Variants in DSCAM observed in about 807,000 individuals in gnomAD.
DSCAM encodes DS cell adhesion molecule, also known as cell adhesion molecule DSCAM.
DSCAM carries 47 observed loss-of-function variants against 217.7 expected under a neutral mutation model. The observed-to-expected ratio is 0.22, with a 90% CI of 0.17 to 0.28. The LOEUF is 0.28. Among genes scored for constraint, DSCAM ranks in the 10% least tolerant of loss-of-function variants. The pLI is 1.00. For synonymous variants in DSCAM, 1,056 were observed against 1,015.3 expected (o/e 1.04, Z -0.76); for missense variants, 2,080 against 2,618.3 (o/e 0.79, Z 4.49).
chr21:40,055,071 T>C (rs2088992094), intron 29 of DSCAM, among the ~76,000 whole-genome samples: 1 of 152,120 alleles, frequency 6.6e-6, no homozygotes, highest in South Asian at 2.1e-4. Context: ...GGTAATGGAC[T>C]TCAGGTGGAA....
chr21:40,840,682 G>A (rs1037429075), intron 1 of DSCAM, among the ~76,000 whole-genome samples: 1 of 152,072 alleles, frequency 6.6e-6, no homozygotes, highest in Non-Finnish European at 1.5e-5. Flanking sequence ...AGGCGTTTCT[G>A]GAAAATAAAC....
intron 3 of DSCAM, among the ~76,000 whole-genome samples, chr21:40,481,359 G>A (rs896951569): frequency 1.3e-5 from 2 of 151,682 alleles, no homozygotes; most frequent in Non-Finnish European, 2.9e-5. Flanking sequence ...GCATGGTGGC[G>A]GGTGCCTGTA....
At chr21:40,090,969 G>A (rs1033012955) in intron 21 of DSCAM, among the ~76,000 whole-genome samples, 2 of 152,118 alleles carry the variant, frequency 1.3e-5, no homozygotes, top group Admixed American at 6.5e-5. Context: ...GAATTTGGGT[G>A]TTCATTCTTG....
At chr21:40,743,589 A>G (rs1420053801) in intron 1 of DSCAM, among the ~76,000 whole-genome samples, 3 of 152,312 alleles carry the variant, frequency 2.0e-5, no homozygotes, top group South Asian at 4.1e-4. Context: ...ATACTAGAAG[A>G]AAAAAACAAT....
At chr21:40,575,532 CAG>C (rs1417870061) in intron 3 of DSCAM, among the ~76,000 whole-genome samples, 3 of 152,042 alleles carry the variant, frequency 2.0e-5, no homozygotes, top group Non-Finnish European at 4.4e-5. Flanking sequence ...AATTAGGTGA[CAG>C]GGGATGAAAG....
chr21:40,206,096 T>C (rs1373189857), intron 11 of DSCAM, among the ~76,000 whole-genome samples: 1 of 152,230 alleles, frequency 6.6e-6, no homozygotes, highest in Non-Finnish European at 1.5e-5. Flanking sequence ...ACCTGTGCTC[T>C]AACTGTATCT....
At chr21:40,268,636 A>G (rs1176576895) in intron 11 of DSCAM, among the ~76,000 whole-genome samples, 2 of 152,104 alleles carry the variant, frequency 1.3e-5, no homozygotes, top group Non-Finnish European at 2.9e-5. Context: ...GAGTGGAAAC[A>G]TAAGATTTTT....
intron 4 of DSCAM, among the ~76,000 whole-genome samples, chr21:40,355,889 T>C (rs1455781312): frequency 6.6e-6 from 1 of 152,226 alleles, no homozygotes; most frequent in Admixed American, 6.5e-5. Context: ...AAAGACAGTG[T>C]TTGTCTTTCT....
intron 3 of DSCAM, among the ~76,000 whole-genome samples, chr21:40,614,972 G>T (rs2089369241): frequency 1.3e-5 from 2 of 151,348 alleles, no homozygotes; most frequent in African/African-American, 4.8e-5. Context: ...TATACATTAT[G>T]TATATATGTA....
intron 3 of DSCAM, among the ~76,000 whole-genome samples, chr21:40,676,484 T>A (rs2090340051): frequency 6.6e-6 from 1 of 152,238 alleles, no homozygotes; most frequent in African/African-American, 2.4e-5. Context: ...TGGAATTGTG[T>A]CGAATTCAGT....
In DSCAM at chr21:40,156,343, G is replaced by T. The variant is rs147859741; in HGVS notation, c.3018+10875C>A. 9.4e-3 allele frequency among the ~76,000 whole-genome samples: 1,384 copies of T among 147,794 alleles called. 22 individuals carry two copies. The highest frequency in any genetic ancestry group is 0.033 in the African/African-American group (1,311 of 39,622). On this transcript the variant is annotated intron_variant, in intron 16 of 32. Coordinates refer to ENST00000400454, the MANE Select transcript of DSCAM (RefSeq NM_001389.5). ...AGAGAGAGAGAGAGAGAGAGAGAAAGGGGCTTGTAAAGGAGTAAGCGGCAT... is the reference window on the plus strand; with the variant it reads ...AGAGAGAGAGAGAGAGAGAGAGAAATGGGCTTGTAAAGGAGTAAGCGGCAT...
rs533273120 is a variant in DSCAM, at chr21:40,738,464, C to T, written c.44-29693G>A. Among the ~76,000 whole-genome samples, 3 of 152,296 alleles carry T rather than the reference C, an allele frequency of 2.0e-5. No individual in the cohort carries two copies. In the East Asian group the frequency reaches 5.8e-4, roughly 29 times the overall value. ...AATTTCAGTGGTCCAAGCTAACAGG[C>T]ATTTACATCTTGCTTAGGAGTCACA... On this transcript the variant is annotated intron_variant, in intron 1 of 32. Transcript: ENST00000400454.
chr21:40,019,809 A>G (rs1568891465), intron 32 of DSCAM, among the ~76,000 whole-genome samples: 1 of 152,222 alleles, frequency 6.6e-6, no homozygotes, highest in Non-Finnish European at 1.5e-5. Flanking sequence ...TTGTTTCAGT[A>G]AAACCAGCTA....
intron 20 of DSCAM, among the ~76,000 whole-genome samples, chr21:40,097,801 C>T (rs1045877979): frequency 4.0e-5 from 6 of 151,460 alleles, no homozygotes; most frequent in Middle Eastern, 6.8e-3. Flanking sequence ...ATTAGCCGGG[C>T]GTAGTGGTGG....
chr21:40,014,630 G>C (rs995068670), intron 32 of DSCAM, among the ~76,000 whole-genome samples: 2 of 152,070 alleles, frequency 1.3e-5, no homozygotes, highest in African/African-American at 4.8e-5. Context: ...GCAGCCTGAC[G>C]TGCCTCCAAC....
Position 40,564,599 on chromosome 21 carries a change from T to C in DSCAM, c.508+128211A>G, listed in dbSNP as rs538904631. Among the ~76,000 whole-genome samples the C allele has an allele frequency of 3.3e-5, 5 of 152,268 alleles. No individual in the cohort carries two copies. The South Asian group carries it at 8.3e-4, about 25-fold the overall frequency. On this transcript the variant is annotated intron_variant, in intron 3 of 32. Transcript: ENST00000400454. Reference sequence around the variant, plus strand: ...CCTGGATCCTGCCAACCCTGCCTCCTACAAAAAGGTCACTTTGAGCCACTT... The same window carrying C: ...CCTGGATCCTGCCAACCCTGCCTCCCACAAAAAGGTCACTTTGAGCCACTT...
chr21:40,340,829 G>A (rs1041199901), intron 6 of DSCAM, among the ~76,000 whole-genome samples: 1 of 152,200 alleles, frequency 6.6e-6, no homozygotes, highest in African/African-American at 2.4e-5. Context: ...TTCCATCAGG[G>A]AAAGGTGACA....
intron 3 of DSCAM, among the ~76,000 whole-genome samples, chr21:40,407,711 C>T (rs1255264651): frequency 6.6e-6 from 1 of 152,210 alleles, no homozygotes; most frequent in East Asian, 1.9e-4. Flanking sequence ...AGCTGAGGTT[C>T]TAGACAGGTG....
At chr21:40,290,426 G>A (rs148868893) in intron 10 of DSCAM, among the ~76,000 whole-genome samples, 1 of 152,098 alleles carries the variant, frequency 6.6e-6, no homozygotes, top group African/African-American at 2.4e-5. Flanking sequence ...TTCAAGACCA[G>A]CCTGGCCAAT....
Sources: allele counts gnomAD v4.1 joint callset (sites outside exome capture counted in the v4.1 genomes callset), GRCh38; gene constraint gnomAD v4.1.1; transcripts MANE v1.5; gene names NCBI Gene and HGNC (gene_info 2026-07-23, HGNC 2026-07-21).